The following GAB1 variants were observed in gnomAD, a reference collection of about 807,000 sequenced individuals.
GAB1 encodes GRB2 associated binding protein 1, also known as GRB2-associated-binding protein 1.
Under a neutral mutation model 66.5 loss-of-function variants are expected in GAB1, and 19 were observed. That is an observed-to-expected ratio of 0.29 (90% CI 0.20 to 0.42). GAB1 has a LOEUF of 0.42. GAB1 is among the 10% of genes least tolerant of loss of function. The pLI is 1.00. For missense variants in GAB1, 732 were observed against 858.5 expected, an observed-to-expected ratio of 0.85 and a Z score of 1.84; for synonymous variants, 294 against 301.4, an observed-to-expected ratio of 0.98 and a Z score of 0.25.
chr4:143,400,089 C>T (rs919987651), intron 1 of GAB1, among the ~76,000 whole-genome samples: 8 of 152,064 alleles, frequency 5.3e-5, no homozygotes, highest in African/African-American at 1.7e-4. Flanking sequence ...TACGGGTGTG[C>T]ACCACCATGC....
chr4:143,425,660 T>A, intron 2 of GAB1: 1 of 760,760 alleles, frequency 1.3e-6, no homozygotes, highest in Non-Finnish European at 2.4e-6. Flanking sequence ...TCTACAGAGA[T>A]CCTGAAGTGA....
Position 143,385,581 on chromosome 4 carries a change from C to T in GAB1, c.73-29896C>T, listed in dbSNP as rs1218759480. Among the ~76,000 whole-genome samples the T allele has an allele frequency of 1.2e-4, 19 of 152,172 alleles. 1 individual carries two copies. Among genetic ancestry groups the T allele is most frequent in the Admixed American group, 1.2e-3 (19 of 15,280 alleles). ...GCCATCTTGAGAGAGTTGCCCTCAT[C>T]TTCACAGTCAAAGATGGCTCACCAT... On this transcript the variant is annotated intron_variant, in intron 1 of 9. Coordinates refer to ENST00000262994, the MANE Select transcript of GAB1 (RefSeq NM_002039.4).
Position 143,372,170 on chromosome 4 carries a change from A to G in GAB1, c.72+34910A>G, listed in dbSNP as rs996802079. Among the ~76,000 whole-genome samples the G allele has an allele frequency of 4.0e-5, 6 of 151,440 alleles. No individual in the cohort carries two copies. The South Asian group carries it at 1.2e-3, about 31-fold the overall frequency. ...TGAAACCCCATCTCAGTTTAAAAAA[A>G]AAAGATGTATCTTGTTCCATTGTTG... On this transcript the variant is annotated intron_variant, in intron 1 of 9. Coordinates refer to ENST00000262994, the MANE Select transcript of GAB1 (RefSeq NM_002039.4).
At chr4:143,408,925 T>C (rs570427700) in intron 1 of GAB1, among the ~76,000 whole-genome samples, 2 of 152,346 alleles carry the variant, frequency 1.3e-5, no homozygotes, top group Admixed American at 1.3e-4. Flanking sequence ...GTGGTGGAGC[T>C]TCCTGGTAGA....
At chr4:143,354,005 A>G (rs947415004) in intron 1 of GAB1, among the ~76,000 whole-genome samples, 1 of 152,172 alleles carries the variant, frequency 6.6e-6, no homozygotes, top group African/African-American at 2.4e-5. Flanking sequence ...CATTGCACTG[A>G]GAGTCCGAGT....
intron 1 of GAB1, chr4:143,350,084 C>G (rs1477956028): frequency 7.0e-7 from 1 of 1,421,928 alleles, no homozygotes; most frequent in Non-Finnish European, 9.6e-7. Flanking sequence ...CCAGGGCCTC[C>G]GGGCCCTCCC....
intron 1 of GAB1, chr4:143,349,961 A>T: frequency 6.3e-7 from 1 of 1,590,038 alleles, no homozygotes; most frequent in Non-Finnish European, 8.6e-7. Context: ...AAGCGGCCCA[A>T]CTTGGTGACG....
At chr4:143,466,000 G>A in intron 8 of GAB1, 103 bp from the exon 9 acceptor site, 3 of 1,270,816 alleles carry the variant, frequency 2.4e-6, no homozygotes, top group Non-Finnish European at 3.3e-6. Flanking sequence ...TTTAAGCTAT[G>A]TCCTCTTGAA....
chr4:143,337,386 C>T (rs1270680112), intron 1 of GAB1, 126 bp downstream of exon 1: 2 of 801,666 alleles, frequency 2.5e-6, no homozygotes, highest in African/African-American at 3.5e-5. Flanking sequence ...TCTCTTTCCC[C>T]TTGGCCCCTA....
chr4:143,343,727 A>C (rs780266436), intron 1 of GAB1, among the ~76,000 whole-genome samples: 1 of 152,152 alleles, frequency 6.6e-6, no homozygotes, highest in African/African-American at 2.4e-5. Flanking sequence ...TGAATTTTAC[A>C]CTTTGCTTTT....
intron 1 of GAB1, among the ~76,000 whole-genome samples, chr4:143,344,699 C>T (rs1728934713): frequency 6.6e-6 from 1 of 152,104 alleles, no homozygotes; most frequent in Non-Finnish European, 1.5e-5. Flanking sequence ...TGAGAAAAGT[C>T]ATTTTTAGGA....
chr4:143,436,224 T>G (rs1037261983), intron 3 of GAB1, among the ~76,000 whole-genome samples: 6 of 152,064 alleles, frequency 3.9e-5, no homozygotes, highest in African/African-American at 1.4e-4. Flanking sequence ...TGTGCAAAAA[T>G]AGCTTGAGGG....
At chr4:143,368,310 ACT>A (rs1422820291) in intron 1 of GAB1, among the ~76,000 whole-genome samples, 1 of 151,974 alleles carries the variant, frequency 6.6e-6, no homozygotes, top group Admixed American at 6.6e-5. Context: ...TTGGTACCAC[ACT>A]CTTAGGGATC....
intron 1 of GAB1, among the ~76,000 whole-genome samples, chr4:143,373,887 T>TATATATATATATA (rs1560726049): frequency 2.1e-4 from 21 of 98,266 alleles, no homozygotes; most frequent in Non-Finnish European, 3.3e-4. Flanking sequence ...ATATATATAT[T>TATATATATATATA]TTTACCTTTC....
chr4:143,421,521 G>A (rs931374004), intron 2 of GAB1, among the ~76,000 whole-genome samples: 4 of 152,050 alleles, frequency 2.6e-5, no homozygotes, highest in East Asian at 1.9e-4. Flanking sequence ...TACCAGCAGC[G>A]TGTGAGAGTT....
At chr4:143,350,907 C>T (rs1443875035) in intron 1 of GAB1, among the ~76,000 whole-genome samples, 1 of 152,106 alleles carries the variant, frequency 6.6e-6, no homozygotes, top group Admixed American at 6.5e-5. Context: ...TTGTCCCCTC[C>T]ACGGGACATT....
intron 1 of GAB1, among the ~76,000 whole-genome samples, chr4:143,353,314 C>T (rs1467785692): frequency 3.9e-5 from 6 of 152,190 alleles, no homozygotes. Context: ...TAAAAGAACA[C>T]CAAAAGTGGG....
rs1371856594 is a variant in GAB1 at position 143,380,061 on chromosome 4, GA to G, written c.73-35414del. Among the ~76,000 whole-genome samples the G allele has an allele frequency of 7.4e-5, 11 of 148,966 alleles. 1 individual carries two copies. In the Admixed American group the frequency reaches 7.5e-4, roughly 10 times the overall value. ...AGATTCTAATTTTGTTTCTTCCATT[GA>G]ATTTCTAACGTGGACCCTGGTTAAG... is the stretch of plus-strand genomic sequence containing the variant. On this transcript the variant is annotated intron_variant, in intron 1 of 9. Transcript: ENST00000262994.
intron 1 of GAB1, among the ~76,000 whole-genome samples, chr4:143,398,635 T>C (rs868419640): frequency 1.1e-4 from 17 of 152,232 alleles, no homozygotes; most frequent in African/African-American, 4.1e-4. Context: ...CTTGAAAATA[T>C]ATGTCACTAA....
Sources: gnomAD v4.1 joint callset for allele counts (sites outside exome capture counted in the v4.1 genomes callset) on GRCh38, gnomAD v4.1.1 for gene constraint, MANE v1.5 for transcripts, NCBI Gene and HGNC (gene_info 2026-07-23, HGNC 2026-07-21) for gene names.